CFAP54: variants seen among roughly 807,000 people sequenced by gnomAD.
CFAP54 encodes cilia and flagella associated protein 54.
Under a neutral mutation model 370.4 loss-of-function variants are expected in CFAP54, and 290 were observed. The observed-to-expected ratio is 0.78, with a 90% CI of 0.71 to 0.86. The LOEUF is 0.86. Ranked by LOEUF, CFAP54 falls within the 40% of genes least tolerant of loss-of-function variation. The pLI is 0.00. For missense variants in CFAP54, 3,399 were observed against 3,528.7 expected (o/e 0.96, Z 0.93); for synonymous variants, 1,206 against 1,236.5 (o/e 0.98, Z 0.52).
At chr12:96,644,066 TAAGGGCAGTC>T in intron 32 of CFAP54, 102 bp from the exon 33 acceptor site, 1 of 704,826 alleles carries the variant, frequency 1.4e-6, no homozygotes, top group Admixed American at 2.8e-5. Context: ...AACATTAGCA[TAAGGGCAGTC>T]AAGTGACTTA....
At chr12:96,539,075 T>TG (rs1955541682) in intron 13 of CFAP54, among the ~76,000 whole-genome samples, 1 of 136,690 alleles carries the variant, frequency 7.3e-6, no homozygotes, top group African/African-American at 2.8e-5. Context: ...TTTTTTTTTT[T>TG]TTGTTTTTGT....
Position 96,757,533 on chromosome 12 carries a change from AT to A in CFAP54, c.7989del (p.His2664IlefsTer2). The A allele has an allele frequency of 6.3e-7, 1 of 1,599,414 alleles. No homozygotes were observed. Among genetic ancestry groups the A allele is most frequent in the Non-Finnish European group, 8.5e-7 (1 of 1,169,908 alleles). Reference sequence around the variant, plus strand: ...TCCTACCTAGAAATGGCTCTATTGTATTTTCATCTGAAGAAGCCAAAGATAA... The same window carrying A: ...TCCTACCTAGAAATGGCTCTATTGTATTTCATCTGAAGAAGCCAAAGATAA... Reference protein sequence around the residue: ...RDSYLEMALLYFHLKKPKIKI... With the variant: ...RDSYLEMALLXFHLKKPKIKI... On this transcript the variant is annotated frameshift_variant, in exon 58 of 68. Coordinates refer to ENST00000524981, the MANE Select transcript of CFAP54 (RefSeq NM_001306084.2). LOFTEE classifies it high-confidence loss of function.
At chr12:96,630,739 G>C in intron 32 of CFAP54, 88 bp downstream of exon 32, 1 of 681,674 alleles carries the variant, frequency 1.5e-6, no homozygotes, top group African/African-American at 1.9e-5. Context: ...ATACACTGGT[G>C]GACCAGACAG....
chr12:96,685,006 T>G, intron 41 of CFAP54, 23 bp from the exon 42 acceptor site: 1 of 1,610,304 alleles, frequency 6.2e-7, no homozygotes. Context: ...AACTTACTGC[T>G]TGATGCTTTG....
rs1259300938 is a variant in CFAP54, at chr12:96,513,103, G to A, written c.798+59G>A. 25 of 993,888 alleles carry A rather than the reference G, an allele frequency of 2.5e-5. No homozygotes were observed. In the South Asian group the frequency reaches 4.5e-4, roughly 18 times the overall value. 61.6% of individuals were successfully genotyped at this position (993,888 alleles called of 1,614,324 possible). ...TATTTCCTGTTTTATTTTTCTTAAG[G>A]CTTTCATTACACAGTATATTGAATG... On this transcript the variant is annotated intron_variant, in intron 5 of 67. Transcript: ENST00000524981.
chr12:96,755,297 A>C (rs902903426), intron 56 of CFAP54, among the ~76,000 whole-genome samples: 3 of 152,202 alleles, frequency 2.0e-5, no homozygotes, highest in Non-Finnish European at 4.4e-5. Flanking sequence ...GGCATGATTA[A>C]ATCAAGCTAA....
chr12:96,779,393 A>G (rs1958559170), intron 60 of CFAP54, among the ~76,000 whole-genome samples: 1 of 152,056 alleles, frequency 6.6e-6, no homozygotes, highest in African/African-American at 2.4e-5. Flanking sequence ...TGGGCATAAT[A>G]GCACAATTTA....
intron 60 of CFAP54, among the ~76,000 whole-genome samples, chr12:96,769,720 A>G (rs1958439313): frequency 6.6e-6 from 1 of 152,218 alleles, no homozygotes; most frequent in Admixed American, 6.5e-5. Context: ...CCATGGCTAC[A>G]TGGCTGTGAT....
intron 26 of CFAP54, among the ~76,000 whole-genome samples, chr12:96,612,386 G>A (rs1051679788): frequency 1.3e-5 from 2 of 152,068 alleles, no homozygotes; most frequent in African/African-American, 4.8e-5. Flanking sequence ...CTCCTGAAGG[G>A]AGCACTAAAC....
intron 48 of CFAP54, 89 bp downstream of exon 48, chr12:96,708,892 G>C (rs1957577159): frequency 9.6e-7 from 1 of 1,040,122 alleles, no homozygotes; most frequent in Non-Finnish European, 1.4e-6. Flanking sequence ...AAATGATACA[G>C]TATATATTCT....
intron 23 of CFAP54, among the ~76,000 whole-genome samples, chr12:96,590,146 A>G (rs1956111373): frequency 6.6e-6 from 1 of 152,238 alleles, no homozygotes; most frequent in African/African-American, 2.4e-5. Flanking sequence ...TATCAGTTAT[A>G]TCGTAAAACA....
intron 63 of CFAP54, among the ~76,000 whole-genome samples, chr12:96,796,939 T>G (rs187006021): frequency 6.6e-6 from 1 of 152,196 alleles, no homozygotes; most frequent in East Asian, 1.9e-4. Flanking sequence ...TTCAGCTTTT[T>G]CTTACCTAAT....
chr12:96,567,157 C>G (rs1955871799), intron 19 of CFAP54, among the ~76,000 whole-genome samples: 1 of 152,048 alleles, frequency 6.6e-6, no homozygotes, highest in Non-Finnish European at 1.5e-5. Flanking sequence ...ACATTCCAGG[C>G]AGAGAGAACA....
intron 38 of CFAP54, 62 bp from the exon 39 acceptor site, chr12:96,663,768 G>T (rs1403165130): frequency 8.4e-7 from 1 of 1,192,506 alleles, no homozygotes; most frequent in Non-Finnish European, 1.2e-6. Context: ...AACATTTCAA[G>T]TAAGCGAAAT....
Position 96,649,999 on chromosome 12 carries a change from A to T in CFAP54, c.4799A>T (p.Glu1600Val), listed in dbSNP as rs1469765715. The T allele has an allele frequency of 6.2e-7, 1 of 1,613,692 alleles. No individual in the cohort carries two copies. Among genetic ancestry groups the T allele is most frequent in the African/African-American group, 1.3e-5 (1 of 74,944 alleles). ...TCTCAATCAGGTTCTAGTGCTAAAGAAAAGGACCGAGGAGCAAATTTGTGT... is the reference window on the plus strand; with the variant it reads ...TCTCAATCAGGTTCTAGTGCTAAAGTAAAGGACCGAGGAGCAAATTTGTGT... Reference protein sequence around the residue: ...SDSQSGSSAKEKDRGANLCVM... With the variant: ...SDSQSGSSAKVKDRGANLCVM... The change falls in exon 35 of 68, where the codon GAA (glutamate) becomes GTA (valine). Residue 1600 changes from glutamate to valine, a missense_variant. This residue lies in a region of CFAP54 where 2,796 missense variants were observed against 2,869.7 expected (regional missense o/e 0.97). Coordinates refer to ENST00000524981, the MANE Select transcript of CFAP54 (RefSeq NM_001306084.2).
chr12:96,772,853 A>ACAT (rs1466290345), intron 60 of CFAP54, among the ~76,000 whole-genome samples: 1 of 152,002 alleles, frequency 6.6e-6, no homozygotes, highest in East Asian at 1.9e-4. Flanking sequence ...CTCCTGACCC[A>ACAT]CATGCCTCAG....
chr12:96,588,139 GT>G (rs1385194434), intron 22 of CFAP54, among the ~76,000 whole-genome samples: 2 of 151,800 alleles, frequency 1.3e-5, no homozygotes, highest in Non-Finnish European at 2.9e-5. Context: ...TTACCCACTT[GT>G]TTCTTTTCAT....
At chr12:96,684,572 TA>T (rs1219171022) in intron 40 of CFAP54, 75 bp from the exon 41 acceptor site, 1 of 1,274,648 alleles carries the variant, frequency 7.8e-7, no homozygotes, top group Non-Finnish European at 1.1e-6. Flanking sequence ...TAGTGCAGTT[TA>T]AAAAATTCTT....
intron 26 of CFAP54, among the ~76,000 whole-genome samples, chr12:96,614,538 A>G (rs2136458288): frequency 6.6e-6 from 1 of 152,320 alleles, no homozygotes; most frequent in East Asian, 1.9e-4. Context: ...AGAAAGAAAT[A>G]AAGGGTATTC....
Sources: gnomAD v4.1 joint callset for allele counts (sites outside exome capture counted in the v4.1 genomes callset) on GRCh38, gnomAD v4.1.1 for gene constraint, gnomAD v4.1.1 regional missense constraint, MANE v1.5 for transcripts, NCBI Gene and HGNC (gene_info 2026-07-23, HGNC 2026-07-21) for gene names.